MDM1: variants seen among roughly 807,000 people sequenced by gnomAD.
MDM1 encodes the protein stabilizer of axonemal microtubules 6, also known as Mdm1 nuclear protein.
Under a neutral mutation model 89.1 loss-of-function variants are expected in MDM1, and 61 were observed. The ratio of observed to expected loss-of-function variants is 0.68; its 90% CI spans 0.56 to 0.85. The LOEUF (loss-of-function observed/expected upper bound fraction) is 0.85, where lower values mean the gene tolerates loss of function less well. Ranked by LOEUF, MDM1 falls within the 40% of genes least tolerant of loss-of-function variation. The pLI, the probability that MDM1 is intolerant of heterozygous loss-of-function variation, is 0.00. For missense variants in MDM1, 820 were observed against 846.5 expected (o/e 0.97, Z 0.39); for synonymous variants, 290 against 294.1 (o/e 0.99, Z 0.14).
chr12:68,303,873 T>TG, intron 12 of MDM1, among the ~76,000 whole-genome samples: 1 of 152,236 alleles, frequency 6.6e-6, no homozygotes, highest in African/African-American at 2.4e-5. Context: ...TTTAGTTTGG[T>TG]CAGTATTTGC....
chr12:68,325,470 CT>C lies in MDM1; in HGVS notation c.603del (p.Glu202LysfsTer43). On this transcript the variant is annotated frameshift_variant, in exon 4 of 15. Coordinates refer to ENST00000682720, the MANE Select transcript of MDM1 (RefSeq NM_001354969.2). LOFTEE classifies it high-confidence loss of function. ...YQRQFVWKTS[K>X]ETAPAFAANQ... is the part of the protein sequence containing the mutation. The stretch of plus-strand genomic sequence containing the variant: ...TTGGCTGCAAAAGCTGGAGCAGTTT[CT>C]TTAGAAGTCTTCCAAACAAACTGCC... 1 of 1,593,884 alleles carries C rather than the reference CT, an allele frequency of 6.3e-7. No individual in the cohort carries two copies. The highest frequency in any genetic ancestry group is 2.3e-5 in the East Asian group (1 of 44,236).
At chr12:68,311,622 T>C (rs1873702843) in intron 12 of MDM1, among the ~76,000 whole-genome samples, 1 of 152,184 alleles carries the variant, frequency 6.6e-6, no homozygotes, top group Admixed American at 6.5e-5. Context: ...CTCAAGAGCA[T>C]CTTTCCAACA....
chr12:68,297,486 C>A (rs534314354), intron 13 of MDM1, among the ~76,000 whole-genome samples: 2 of 152,332 alleles, frequency 1.3e-5, no homozygotes, highest in Non-Finnish European at 1.5e-5. Flanking sequence ...AACCAAGAAA[C>A]AACCAACTTG....
At chr12:68,295,408 T>C (rs1446293393) in intron 14 of MDM1, 42 bp from the exon 15 acceptor site, 7 of 1,198,720 alleles carry the variant, frequency 5.8e-6, no homozygotes, top group Non-Finnish European at 8.5e-6. Context: ...TTGCCAAAAA[T>C]ATCTATTAAA....
At chr12:68,322,954 C>T (rs939045320) in intron 5 of MDM1, 119 bp downstream of exon 5, 1 of 877,008 alleles carries the variant, frequency 1.1e-6, no homozygotes. Flanking sequence ...ATTTGATGAA[C>T]AAATGAATTA....
chr12:68,315,929 T>A (rs1160022731), intron 9 of MDM1, 149 bp downstream of exon 9: 3 of 596,928 alleles, frequency 5.0e-6, no homozygotes, highest in Non-Finnish European at 5.4e-6. Flanking sequence ...GCTTTATTTT[T>A]CACTGAGAAT....
At chr12:68,318,007 T>C (rs536916075) in intron 7 of MDM1, among the ~76,000 whole-genome samples, 2 of 152,304 alleles carry the variant, frequency 1.3e-5, no homozygotes, top group South Asian at 4.1e-4. Context: ...CATCAACCTA[T>C]GAACTTCTTG....
In MDM1 at chr12:68,316,272, A is replaced by G; in HGVS notation, c.1036-19T>C. 6.3e-7 allele frequency: 1 copy of G among 1,598,648 alleles called. No homozygotes were observed. The highest frequency in any genetic ancestry group is 8.5e-7 in the Non-Finnish European group (1 of 1,172,524). ...CTTTAACCTATTCAGGAGAGTTCAG[A>G]CATCATATACTATTGTAAATGCTTC... On this transcript the variant is annotated intron_variant, in intron 8 of 14. Transcript: ENST00000682720.
intron 13 of MDM1, among the ~76,000 whole-genome samples, chr12:68,300,860 C>T (rs1184545682): frequency 6.6e-6 from 1 of 152,164 alleles, no homozygotes; most frequent in East Asian, 1.9e-4. Flanking sequence ...GTAGAATATA[C>T]ATTCTTCTCA....
chr12:68,298,801 C>T (rs1871758435), intron 13 of MDM1, among the ~76,000 whole-genome samples: 1 of 152,170 alleles, frequency 6.6e-6, no homozygotes, highest in African/African-American at 2.4e-5. Context: ...AGGGATACCT[C>T]CCCTAATGGC....
At chr12:68,305,292 A>T (rs1162159768) in intron 12 of MDM1, among the ~76,000 whole-genome samples, 1 of 152,196 alleles carries the variant, frequency 6.6e-6, no homozygotes, top group Non-Finnish European at 1.5e-5. Context: ...GCCATCTATG[A>T]CAAACCCACA....
chr12:68,302,986 G>GACCACGC, intron 12 of MDM1, 114 bp from the exon 13 acceptor site: 1 of 553,396 alleles, frequency 1.8e-6, no homozygotes, highest in Non-Finnish European at 2.9e-6. Context: ...AGAAATATGA[G>GACCACGC]AGAATTTATG....
intron 12 of MDM1, among the ~76,000 whole-genome samples, chr12:68,308,817 C>T (rs773425027): frequency 2.6e-5 from 4 of 152,218 alleles, no homozygotes; most frequent in African/African-American, 4.8e-5. Context: ...TTCTCTTGCT[C>T]AGTGCATGGT....
At chr12:68,331,676 CAGG>C (rs1449615053) in intron 1 of MDM1, among the ~76,000 whole-genome samples, 3 of 152,170 alleles carry the variant, frequency 2.0e-5, no homozygotes, top group African/African-American at 7.2e-5. Flanking sequence ...ATAAATGAGT[CAGG>C]AGATGTGGGA....
Position 68,307,653 on chromosome 12 carries a change from A to C in MDM1, c.1750-4781T>G, listed in dbSNP as rs187372429. Among the ~76,000 whole-genome samples the C allele has an allele frequency of 1.2e-3, 175 of 152,092 alleles. 1 individual carries two copies. Among genetic ancestry groups the C allele is most frequent in the Non-Finnish European group, 1.0e-4 (7 of 67,974 alleles). ...AAGACCTTGTCTCAAAAAGCAAAAA[A>C]TGGGCCAGATGTGGTGGTTGTAACC... On this transcript the variant is annotated intron_variant, in intron 12 of 14. Transcript: ENST00000682720.
At chr12:68,318,714 A>G (rs184195734) in intron 7 of MDM1, among the ~76,000 whole-genome samples, 186 of 152,340 alleles carry the variant, frequency 1.2e-3, no homozygotes, top group Non-Finnish European at 2.2e-3. Flanking sequence ...CAAAAAGGAT[A>G]GAAATAAACC....
Position 68,295,243 on chromosome 12 carries a change from C to G in MDM1, c.*11G>C. On this transcript the variant is annotated 3_prime_UTR_variant, in exon 15 of 15. Transcript: ENST00000682720. ...CCAATGTTTCCTTAGATAAAGGCAA[C>G]TCAGCTAGGTTTATGTTTTACCCCA... 1 of 1,576,384 alleles carries G rather than the reference C, an allele frequency of 6.3e-7. No homozygotes were observed. The highest frequency in any genetic ancestry group is 8.7e-7 in the Non-Finnish European group (1 of 1,155,710).
At chr12:68,332,027 T>C (rs926110102) in intron 1 of MDM1, 3 of 730,432 alleles carry the variant, frequency 4.1e-6, no homozygotes, top group South Asian at 3.0e-5. Context: ...ACACTGCAGC[T>C]TGCAAATGTG....
At chr12:68,332,112 C>T in intron 1 of MDM1, 116 bp downstream of exon 1, 1 of 1,433,984 alleles carries the variant, frequency 7.0e-7, no homozygotes, top group Non-Finnish European at 9.6e-7. Flanking sequence ...CTGGGGCTGG[C>T]AGCTTCCGCC....
Sources: allele counts gnomAD v4.1 joint callset (sites outside exome capture counted in the v4.1 genomes callset), GRCh38; gene constraint gnomAD v4.1.1; transcripts MANE v1.5; gene names NCBI Gene and HGNC (gene_info 2026-07-23, HGNC 2026-07-21).